The following AKAP13 variants were observed in gnomAD, a reference collection of about 807,000 sequenced individuals.
AKAP13 encodes the protein A-kinase anchoring protein 13, also known as A-kinase anchor protein 13.
A neutral mutation model predicts 264.5 loss-of-function variants in AKAP13; 80 were observed. The observed-to-expected ratio is 0.30, with a 90% CI of 0.25 to 0.36. The LOEUF is 0.36. Ranked by LOEUF, AKAP13 falls within the 10% of genes least tolerant of loss-of-function variation. The probability of loss-of-function intolerance (pLI) is 1.00; values close to 1 mark genes in which losing one functional copy is unlikely to be tolerated. For missense variants in AKAP13, 3,712 were observed against 3,435.2 expected (o/e 1.08, Z -2.01); for synonymous variants, 1,380 against 1,250.2 (o/e 1.10, Z -2.19).
chr15:85,492,801 C>T (rs928221304), intron 2 of AKAP13, among the ~76,000 whole-genome samples: 15 of 152,160 alleles, frequency 9.9e-5, no homozygotes, highest in African/African-American at 3.6e-4. Context: ...ATGATTTTGG[C>T]AATGGACTAC....
chr15:85,392,157 T>C (rs893160090), intron 1 of AKAP13, among the ~76,000 whole-genome samples: 2 of 151,292 alleles, frequency 1.3e-5, no homozygotes, highest in Non-Finnish European at 2.9e-5. Context: ...TCTAGGGTAG[T>C]GGGTTTCATT....
chr15:85,690,857 C>T (rs985941402), intron 16 of AKAP13, among the ~76,000 whole-genome samples: 1 of 152,108 alleles, frequency 6.6e-6, no homozygotes, highest in African/African-American at 2.4e-5. Flanking sequence ...GGCGTGTGGC[C>T]TCAAATGCAT....
Position 85,414,563 on chromosome 15 carries a change from G to A in AKAP13, c.-12+33765G>A, listed in dbSNP as rs191998997. Among the ~76,000 whole-genome samples the A allele has an allele frequency of 1.7e-4, 26 of 152,304 alleles. No homozygotes were observed. The East Asian group carries it at 4.8e-3, about 28-fold the overall frequency. The stretch of plus-strand genomic sequence containing the variant: ...AAATCCTCTTGGTATTAATACATAT[G>A]GTATAGGTACAGAGTGTTCCTTTAT... On this transcript the variant is annotated intron_variant, in intron 1 of 36. Transcript: ENST00000394518.
At chr15:85,528,775 G>A (rs2077161494) in intron 3 of AKAP13, among the ~76,000 whole-genome samples, 1 of 152,122 alleles carries the variant, frequency 6.6e-6, no homozygotes, top group African/African-American at 2.4e-5. Context: ...AGTGTGAGAA[G>A]TTCAGAAATT....
At chr15:85,537,207 C>G (rs2077430741) in intron 4 of AKAP13, among the ~76,000 whole-genome samples, 1 of 152,124 alleles carries the variant, frequency 6.6e-6, no homozygotes, top group Non-Finnish European at 1.5e-5. Flanking sequence ...GTTCATCACG[C>G]CTGCTGTTGA....
intron 1 of AKAP13, among the ~76,000 whole-genome samples, chr15:85,387,673 G>A (rs67659163): frequency 0.73 from 110,541 of 151,798 alleles, 40,565 homozygotes; most frequent in Non-Finnish European, 0.78. Flanking sequence ...ATCAGTTAGG[G>A]GGCAATTGAC....
At chr15:85,572,773 A>G (rs1322527701) in intron 5 of AKAP13, among the ~76,000 whole-genome samples, 1 of 152,126 alleles carries the variant, frequency 6.6e-6, no homozygotes, top group Non-Finnish European at 1.5e-5. Context: ...GCACCCATCA[A>G]CCCATCATCT....
rs992911448 is a variant in AKAP13 at position 85,620,248 on chromosome 15, C to G, written c.4162-19126C>G. The G allele has an allele frequency of 8.7e-6, 12 of 1,373,704 alleles. No individual in the cohort carries two copies. The Admixed American group carries it at 2.0e-4, about 23-fold the overall frequency. 85.1% of individuals were successfully genotyped at this position (1,373,704 alleles called of 1,614,324 possible). On this transcript the variant is annotated intron_variant, in intron 8 of 36. Coordinates refer to ENST00000394518, the MANE Select transcript of AKAP13 (RefSeq NM_007200.5). ...CGCTTTGAACCCGGTAGCCATGTCC[C>G]TGGCCCTCCTGTATTGGGAGAAAGG...
chr15:85,399,535 A>AAAAAAAATAAAT (rs1567038735), intron 1 of AKAP13, among the ~76,000 whole-genome samples: 3 of 105,602 alleles, frequency 2.8e-5, no homozygotes, highest in South Asian at 2.6e-4. Flanking sequence ...AAAAAATAAA[A>AAAAAAAATAAAT]AAATAAATAA....
At chr15:85,658,789 T>A (rs1424377857) in intron 12 of AKAP13, among the ~76,000 whole-genome samples, 199 bp downstream of exon 12, 1 of 152,244 alleles carries the variant, frequency 6.6e-6, no homozygotes, top group Non-Finnish European at 1.5e-5. Context: ...TGAAGTTTTA[T>A]GCTATTTTAT....
At chr15:85,633,809 G>A (rs1397472313) in intron 8 of AKAP13, among the ~76,000 whole-genome samples, 4 of 151,826 alleles carry the variant, frequency 2.6e-5, no homozygotes, top group African/African-American at 9.7e-5. Flanking sequence ...CTCCCAAAGT[G>A]CTGGGATTAC....
chr15:85,735,497 T>C (rs2088393169), intron 31 of AKAP13, 63 bp from the exon 32 acceptor site: 2 of 1,542,184 alleles, frequency 1.3e-6, no homozygotes, highest in South Asian at 1.2e-5. Flanking sequence ...CTATATGATA[T>C]TCTTTCCTTG....
intron 5 of AKAP13, among the ~76,000 whole-genome samples, chr15:85,552,258 C>T (rs1306925368): frequency 2.0e-5 from 3 of 152,176 alleles, no homozygotes; most frequent in Non-Finnish European, 1.5e-5. Flanking sequence ...ACAGCATATA[C>T]AACTTGTCCT....
chr15:85,460,012 C>T (rs946480711), intron 1 of AKAP13, among the ~76,000 whole-genome samples: 2 of 152,188 alleles, frequency 1.3e-5, no homozygotes, highest in Admixed American at 6.5e-5. Flanking sequence ...GCTGCAGTAG[C>T]CTCCCAAGTT....
chr15:85,510,507 A>G (rs1187915863), intron 2 of AKAP13, among the ~76,000 whole-genome samples: 3 of 152,216 alleles, frequency 2.0e-5, no homozygotes, highest in South Asian at 4.1e-4. Flanking sequence ...TTTAAGACTC[A>G]TTTACCTGTC....
intron 5 of AKAP13, among the ~76,000 whole-genome samples, chr15:85,554,050 A>C (rs2078055594): frequency 6.6e-6 from 1 of 152,190 alleles, no homozygotes. Context: ...GAGAATGCTT[A>C]CATAGTACTC....
rs2078297694 is a variant in AKAP13, at chr15:85,559,875, CACTTATA to C, written c.663-15247_663-15241del. On this transcript the variant is annotated intron_variant, in intron 5 of 36. Transcript: ENST00000394518. ...GTTGGGGACCCCTGCTTTATTTAAT[CACTTATA>C]ACTTATAATCACTTAGATGCTCTAA... Among the ~76,000 whole-genome samples, 5 of 152,062 alleles carry C rather than the reference CACTTATA, an allele frequency of 3.3e-5. No individual in the cohort carries two copies. In the South Asian group the frequency reaches 8.3e-4, roughly 25 times the overall value.
Position 85,749,161 on chromosome 15 carries a change from C to T in AKAP13, c.*4484C>T, listed in dbSNP as rs894220370. The T allele has an allele frequency of 1.3e-5, 2 of 152,222 alleles. No individual in the cohort carries two copies. Among genetic ancestry groups the T allele is most frequent in the African/African-American group, 4.8e-5 (2 of 41,456 alleles). 9.4% of individuals were successfully genotyped at this position (152,222 alleles called of 1,614,324 possible). On this transcript the variant is annotated 3_prime_UTR_variant, in exon 37 of 37. Transcript: ENST00000394518. ...AAAAAGACGGGTTAAAACCCAGATGCTGTATATTCATTTGTAATTATGTAT... is the reference window on the plus strand; with the variant it reads ...AAAAAGACGGGTTAAAACCCAGATGTTGTATATTCATTTGTAATTATGTAT...
chr15:85,720,260 CTGTGTGTGTGTGTGTG>C (rs71141479), intron 23 of AKAP13, among the ~76,000 whole-genome samples: 64 of 150,768 alleles, frequency 4.2e-4, no homozygotes, highest in East Asian at 2.0e-4. Flanking sequence ...AAAACAAACT[CTGTGTGTGTGTGTGTG>C]TGTGTGTGTG....
Sources: gnomAD v4.1 joint callset for allele counts (sites outside exome capture counted in the v4.1 genomes callset) on GRCh38, gnomAD v4.1.1 for gene constraint, MANE v1.5 for transcripts, NCBI Gene and HGNC (gene_info 2026-07-23, HGNC 2026-07-21) for gene names.